Variants in NCKAP5 observed in about 807,000 individuals in gnomAD.
NCKAP5 encodes the protein nck-associated protein 5.
In NCKAP5, 92 loss-of-function variants were observed where a neutral mutation model predicts 167.0. The observed-to-expected ratio is 0.55, with a 90% CI of 0.47 to 0.66. The LOEUF (loss-of-function observed/expected upper bound fraction) is 0.66, where lower values mean the gene tolerates loss of function less well. Among genes scored for constraint, NCKAP5 ranks in the 30% least tolerant of loss-of-function variants. The pLI is 0.00. For synonymous variants in NCKAP5, 891 were observed against 877.4 expected, an observed-to-expected ratio of 1.02 and a Z score of -0.27; for missense variants, 2,378 against 2,315.0, an observed-to-expected ratio of 1.03 and a Z score of -0.56.
intron 4 of NCKAP5, among the ~76,000 whole-genome samples, chr2:133,285,084 C>T (rs75515359): frequency 0.018 from 2,723 of 152,220 alleles, 31 homozygotes; most frequent in Non-Finnish European, 0.027. Flanking sequence ...AATGATCTTC[C>T]CAAGCCACCC....
intron 8 of NCKAP5, among the ~76,000 whole-genome samples, chr2:132,895,200 G>A (rs560211579): frequency 7.5e-4 from 114 of 151,846 alleles, no homozygotes; most frequent in Admixed American, 5.2e-4. Context: ...GCGTGGTGGC[G>A]GGCGCCTGTA....
At chr2:132,734,031 T>G (rs1691279629) in intron 16 of NCKAP5, among the ~76,000 whole-genome samples, 1 of 152,232 alleles carries the variant, frequency 6.6e-6, no homozygotes, top group South Asian at 2.1e-4. Context: ...ATCTGAATCA[T>G]ACAGACGCAC....
chr2:133,647,718 AAGG>A, the NCKAP5 span, among the ~76,000 whole-genome samples: 94 of 134,344 alleles, frequency 7.0e-4, no homozygotes, highest in African/African-American at 2.6e-3. Context: ...AAAAGAAAGG[AAGG>A]AAGGAAGGAA....
intron 2 of NCKAP5, among the ~76,000 whole-genome samples, chr2:133,520,863 A>G (rs906119826): frequency 2.6e-5 from 4 of 152,214 alleles, no homozygotes; most frequent in African/African-American, 9.6e-5. Flanking sequence ...GTACAGTCCA[A>G]TCAGGGCTGA....
intron 16 of NCKAP5, among the ~76,000 whole-genome samples, chr2:132,758,686 T>A (rs1680756870): frequency 6.6e-6 from 1 of 152,070 alleles, no homozygotes; most frequent in South Asian, 2.1e-4. Flanking sequence ...TCTTGGCATC[T>A]CTCTTGTGAT....
chr2:133,245,156 C>A (rs555176338), intron 4 of NCKAP5, among the ~76,000 whole-genome samples: 2 of 152,050 alleles, frequency 1.3e-5, no homozygotes, highest in East Asian at 3.9e-4. Flanking sequence ...AAATACTCAC[C>A]AAAAATATGT....
intron 5 of NCKAP5, among the ~76,000 whole-genome samples, chr2:133,132,778 A>T (rs943808316): frequency 6.7e-6 from 1 of 150,180 alleles, no homozygotes; most frequent in South Asian, 2.1e-4. Context: ...CCAGGTTCAC[A>T]CTATTCTCCT....
intron 19 of NCKAP5, among the ~76,000 whole-genome samples, chr2:132,700,269 T>C (rs1345653559): frequency 1.3e-5 from 2 of 152,234 alleles, no homozygotes; most frequent in Non-Finnish European, 2.9e-5. Context: ...TCCCATTCTG[T>C]AGGTTGCCTG....
At chr2:133,338,761 A>G (rs1376501300) in intron 3 of NCKAP5, among the ~76,000 whole-genome samples, 1 of 152,166 alleles carries the variant, frequency 6.6e-6, no homozygotes, top group Non-Finnish European at 1.5e-5. Flanking sequence ...TAATCCTAGC[A>G]CTTTGGGAGG....
chr2:133,202,513 T>A (rs1348120688), intron 5 of NCKAP5, among the ~76,000 whole-genome samples: 1 of 152,056 alleles, frequency 6.6e-6, no homozygotes, highest in African/African-American at 2.4e-5. Flanking sequence ...AAAGCAAAGA[T>A]AACAGAAGCC....
At chr2:132,847,295 T>C (rs1230642435) in intron 11 of NCKAP5, among the ~76,000 whole-genome samples, 1 of 152,212 alleles carries the variant, frequency 6.6e-6, no homozygotes, top group Non-Finnish European at 1.5e-5. Context: ...CTAAGTACCT[T>C]ACATATGCTA....
chr2:132,862,121 C>T (rs1689959265), intron 10 of NCKAP5, among the ~76,000 whole-genome samples: 1 of 152,144 alleles, frequency 6.6e-6, no homozygotes, highest in African/African-American at 2.4e-5. Flanking sequence ...AAGGGAGAGC[C>T]CAAGCCACAG....
intron 5 of NCKAP5, among the ~76,000 whole-genome samples, chr2:133,172,095 G>C (rs965003921): frequency 1.3e-5 from 2 of 152,278 alleles, no homozygotes; most frequent in South Asian, 4.2e-4. Flanking sequence ...ATAATGACTT[G>C]AGCCCCAACT....
chr2:133,099,275 C>T (rs1214589269), intron 6 of NCKAP5, among the ~76,000 whole-genome samples: 1 of 152,174 alleles, frequency 6.6e-6, no homozygotes, highest in Non-Finnish European at 1.5e-5. Context: ...GTATTCATCT[C>T]TGATTTACCC....
intron 3 of NCKAP5, among the ~76,000 whole-genome samples, chr2:133,343,469 G>A (rs1289436131): frequency 6.6e-6 from 1 of 150,776 alleles, no homozygotes; most frequent in Non-Finnish European, 1.5e-5. Flanking sequence ...GATTATCACA[G>A]AGGCCAGTAG....
intron 3 of NCKAP5, among the ~76,000 whole-genome samples, chr2:133,446,064 G>C (rs1032705870): frequency 2.6e-5 from 4 of 152,162 alleles, no homozygotes; most frequent in African/African-American, 7.2e-5. Context: ...GACTTGCAAA[G>C]AGAGGAGGTG....
intron 2 of NCKAP5, among the ~76,000 whole-genome samples, chr2:133,555,493 C>G (rs1333960423): frequency 6.6e-6 from 1 of 152,228 alleles, no homozygotes; most frequent in Non-Finnish European, 1.5e-5. Context: ...GAAGCCCATT[C>G]CAGCATTGTC....
intron 8 of NCKAP5, among the ~76,000 whole-genome samples, chr2:132,923,656 C>T (rs1031773492): frequency 1.3e-5 from 2 of 152,018 alleles, no homozygotes; most frequent in African/African-American, 4.8e-5. Context: ...ATGCTCAGCA[C>T]GAATTGGACG....
At chr2:133,539,631 A>C (rs1313264506) in intron 2 of NCKAP5, among the ~76,000 whole-genome samples, 1 of 152,186 alleles carries the variant, frequency 6.6e-6, no homozygotes, top group East Asian at 1.9e-4. Flanking sequence ...TACAGAAAAA[A>C]ACTACGGTCT....
Sources: gnomAD v4.1 joint callset for allele counts (sites outside exome capture counted in the v4.1 genomes callset) on GRCh38, gnomAD v4.1.1 for gene constraint, MANE v1.5 for transcripts, NCBI Gene and HGNC (gene_info 2026-07-23, HGNC 2026-07-21) for gene names.